The following ASTN2 variants were observed in gnomAD, a reference collection of about 807,000 sequenced individuals.
The protein encoded by ASTN2 is astrotactin 2, also known as astrotactin-2.
ASTN2 carries 54 observed loss-of-function variants against 139.8 expected under a neutral mutation model. That is an observed-to-expected ratio of 0.39 (90% CI 0.31 to 0.48). The LOEUF (loss-of-function observed/expected upper bound fraction) is 0.48, where lower values mean the gene tolerates loss of function less well. ASTN2 is among the 20% of genes least tolerant of loss of function. The pLI is 0.95. For synonymous variants in ASTN2, 756 were observed against 719.5 expected (o/e 1.05, Z -0.81); for missense variants, 1,565 against 1,725.1 (o/e 0.91, Z 1.64).
At chr9:116,685,221 T>C (rs1051901835) in intron 16 of ASTN2, among the ~76,000 whole-genome samples, 1 of 151,932 alleles carries the variant, frequency 6.6e-6, no homozygotes, top group African/African-American at 2.4e-5. Context: ...GCCCCCCCAC[T>C]CAGGAACTGA....
intron 5 of ASTN2, among the ~76,000 whole-genome samples, chr9:117,087,852 T>C (rs1488796420): frequency 6.6e-6 from 1 of 152,200 alleles, no homozygotes; most frequent in Non-Finnish European, 1.5e-5. Context: ...TGTCTACTGA[T>C]TCCAGTGCTT....
At chr9:116,519,338 A>G (rs1260406941) in intron 19 of ASTN2, among the ~76,000 whole-genome samples, 1 of 151,892 alleles carries the variant, frequency 6.6e-6, no homozygotes, top group Non-Finnish European at 1.5e-5. Context: ...AAAACTGAAA[A>G]TCAACTCCAA....
chr9:116,478,822 T>C (rs764199249), intron 20 of ASTN2, among the ~76,000 whole-genome samples: 3 of 151,470 alleles, frequency 2.0e-5, no homozygotes, highest in African/African-American at 4.9e-5. Flanking sequence ...TGAAACCCCA[T>C]CTCTACTAAA....
rs548486461 is a variant in ASTN2 at position 117,182,175 on chromosome 9, A to C, written c.1015+32183T>G. Among the ~76,000 whole-genome samples the C allele has an allele frequency of 5.9e-5, 9 of 152,020 alleles. No homozygotes were observed. The South Asian group carries it at 1.9e-3, about 32-fold the overall frequency. ...CCACACTTCCTGAGGAAAAGAGAGC[A>C]GGCCAGCCTCATGCATATTTATGTA... On this transcript the variant is annotated intron_variant, in intron 3 of 22. Transcript: ENST00000313400.
At chr9:117,019,380 A>C (rs1458844570) in intron 6 of ASTN2, among the ~76,000 whole-genome samples, 1 of 152,130 alleles carries the variant, frequency 6.6e-6, no homozygotes, top group Non-Finnish European at 1.5e-5. Context: ...CCAAGCATCC[A>C]AAAATCAGCG....
intron 19 of ASTN2, among the ~76,000 whole-genome samples, chr9:116,565,391 A>C (rs990670248): frequency 0.26 from 8,991 of 34,704 alleles, 1,236 homozygotes; most frequent in Admixed American, 0.27. Context: ...CTCTCTCCAT[A>C]TATATATATA....
intron 19 of ASTN2, among the ~76,000 whole-genome samples, chr9:116,520,849 C>T (rs1347675760): frequency 2.0e-5 from 3 of 152,082 alleles, no homozygotes; most frequent in Non-Finnish European, 2.9e-5. Flanking sequence ...CACTGATATA[C>T]AACAACAGTG....
chr9:116,760,798 T>A (rs1829654443), intron 13 of ASTN2, among the ~76,000 whole-genome samples: 1 of 152,046 alleles, frequency 6.6e-6, no homozygotes. Context: ...CCTGATTAAC[T>A]GGGAAAATGC....
chr9:116,558,006 T>G (rs563129115), intron 19 of ASTN2, among the ~76,000 whole-genome samples: 1 of 152,160 alleles, frequency 6.6e-6, no homozygotes, highest in Admixed American at 6.5e-5. Flanking sequence ...AGCATAGAAA[T>G]AGAATGACCA....
At chr9:116,676,876 G>A (rs997489541) in intron 16 of ASTN2, among the ~76,000 whole-genome samples, 27 of 152,054 alleles carry the variant, frequency 1.8e-4, no homozygotes, top group South Asian at 4.1e-4. Context: ...TTCCTCTCTT[G>A]AATTTTCCTT....
At chr9:117,148,584 T>C (rs551949237) in intron 3 of ASTN2, among the ~76,000 whole-genome samples, 11 of 152,282 alleles carry the variant, frequency 7.2e-5, no homozygotes, top group African/African-American at 2.4e-4. Flanking sequence ...AGCACTCAAA[T>C]CTCCTATTCC....
At chr9:116,763,561 T>C (rs930466) in intron 13 of ASTN2, among the ~76,000 whole-genome samples, 100,633 of 151,972 alleles carry the variant, frequency 0.66, 33,529 homozygotes, top group South Asian at 0.84. Context: ...GAGGGTGATA[T>C]GCTGGGAGAA....
At chr9:117,287,941 T>C (rs1234410883) in intron 2 of ASTN2, among the ~76,000 whole-genome samples, 1 of 152,196 alleles carries the variant, frequency 6.6e-6, no homozygotes, top group African/African-American at 2.4e-5. Flanking sequence ...GTATGATCAG[T>C]TTTGTTTCAT....
At chr9:117,117,693 TA>T (rs1829433230) in intron 4 of ASTN2, among the ~76,000 whole-genome samples, 1 of 152,238 alleles carries the variant, frequency 6.6e-6, no homozygotes, top group Non-Finnish European at 1.5e-5. Context: ...TTTGCTGAGT[TA>T]TTAGCCTGTT....
chr9:116,820,696 C>T lies in ASTN2; in HGVS notation c.2128G>A (p.Gly710Ser), dbSNP rs753323044. Residue 710 changes from glycine to serine, a missense_variant, in exon 12 of 23, where the codon GGC becomes AGC. Gly to Ser is a moderately conservative substitution (Grantham distance 56, BLOSUM62 0). Around this residue, in one of 4 missense-constraint regions of ASTN2, gnomAD observed 503 missense variants for 591.7 expected, o/e 0.85. Coordinates refer to ENST00000313400, the MANE Select transcript of ASTN2 (RefSeq NM_001365068.1). Reference protein sequence around the residue: ...GIDCSDGFNGGCEQLCLQQTL... With the variant: ...GIDCSDGFNGSCEQLCLQQTL... ...TGCTGCAGGCACAGCTGCTCACAGCCGCCATTAAAGCCATCAGAGCAGTCA... is the reference window on the plus strand; with the variant it reads ...TGCTGCAGGCACAGCTGCTCACAGCTGCCATTAAAGCCATCAGAGCAGTCA... 2.5e-6 allele frequency: 4 copies of T among 1,614,206 alleles called. No individual in the cohort carries two copies. The highest frequency in any genetic ancestry group is 2.5e-6 in the Non-Finnish European group (3 of 1,180,042).
intron 6 of ASTN2, among the ~76,000 whole-genome samples, chr9:117,030,533 C>A (rs188052328): frequency 6.6e-6 from 1 of 152,272 alleles, no homozygotes; most frequent in African/African-American, 2.4e-5. Flanking sequence ...AAGCTAACAT[C>A]TTAGCACAGA....
rs953608833 is a variant in ASTN2 at position 116,989,783 on chromosome 9, C to T, written c.1592-12998G>A. The stretch of plus-strand genomic sequence containing the variant: ...AATTTTAGTAGAGACAGGGTTTCAT[C>T]ATGTTGGCCAGGTTAGTCTCAAACA... On this transcript the variant is annotated intron_variant, in intron 7 of 22. Transcript: ENST00000313400. Among the ~76,000 whole-genome samples, 3 of 152,054 alleles carry T rather than the reference C, an allele frequency of 2.0e-5. No homozygotes were observed. In the East Asian group the frequency reaches 5.8e-4, roughly 29 times the overall value.
chr9:117,374,887 T>C (rs1457351907), intron 1 of ASTN2, among the ~76,000 whole-genome samples: 1 of 152,174 alleles, frequency 6.6e-6, no homozygotes, highest in Non-Finnish European at 1.5e-5. Context: ...AACCGAATAC[T>C]GTCAACCCAG....
At chr9:116,717,825 T>A (rs542810748) in intron 16 of ASTN2, among the ~76,000 whole-genome samples, 1 of 152,362 alleles carries the variant, frequency 6.6e-6, no homozygotes, top group South Asian at 2.1e-4. Flanking sequence ...GCAAGAAAGC[T>A]ATGGAGACTT....
Sources: allele counts gnomAD v4.1 joint callset (sites outside exome capture counted in the v4.1 genomes callset), GRCh38; gene constraint gnomAD v4.1.1; regional missense constraint gnomAD v4.1.1; transcripts MANE v1.5; gene names NCBI Gene and HGNC (gene_info 2026-07-23, HGNC 2026-07-21).